Variants in COL4A5 observed in about 807,000 individuals in gnomAD.
COL4A5 encodes the protein collagen type IV alpha 5 chain, also known as collagen alpha-5(IV) chain.
In COL4A5, 26 loss-of-function variants were observed where a neutral mutation model predicts 130.2. That is an observed-to-expected ratio of 0.20 (90% CI 0.15 to 0.28). The LOEUF is 0.28. COL4A5 is among the 10% of genes least tolerant of loss of function. The pLI is 1.00. For missense variants in COL4A5, 1,131 were observed against 1,344.3 expected (o/e 0.84, Z 2.48); for synonymous variants, 496 against 439.6 (o/e 1.13, Z -1.60).
intron 19 of COL4A5, among the ~76,000 whole-genome samples, chrX:108,590,744 A>G (rs1267925087): frequency 8.9e-6 from 1 of 111,896 alleles, no homozygotes; most frequent in Non-Finnish European, 1.9e-5. Flanking sequence ...GGTAACTTTG[A>G]AATACCTTTT....
chrX:108,587,817 T>C (rs762058244), intron 19 of COL4A5, among the ~76,000 whole-genome samples: 3 of 111,199 alleles, frequency 2.7e-5, no homozygotes, highest in Non-Finnish European at 5.7e-5. Flanking sequence ...CCATATTAAC[T>C]GGGGTATATT....
intron 28 of COL4A5, 28 bp downstream of exon 28, chrX:108,603,089 T>C (rs772238569): frequency 1.0e-6 from 1 of 968,219 alleles, no homozygotes. Context: ...TTATTCCTTC[T>C]CATTTTCTTA....
rs1180151300 is a variant in COL4A5 at position 108,620,441 on chromosome X, G to A, written c.2677+15G>A. On this transcript the variant is annotated intron_variant, in intron 31 of 52. Coordinates refer to ENST00000328300, the MANE Select transcript of COL4A5 (RefSeq NM_033380.3). Reference sequence around the variant, plus strand: ...TGGATTTCCAGGTAATTTGTTTAAAGTTTTCTCTGATTTGGATTAAGGAAA... The same window carrying A: ...TGGATTTCCAGGTAATTTGTTTAAAATTTTCTCTGATTTGGATTAAGGAAA... 2 of 1,184,012 alleles carry A rather than the reference G, an allele frequency of 1.7e-6. No homozygotes were observed. The highest frequency in any genetic ancestry group is 2.2e-5 in the Admixed American group (1 of 45,711).
chrX:108,508,771 T>C (rs1267393182), intron 1 of COL4A5, among the ~76,000 whole-genome samples: 2 of 110,971 alleles, frequency 1.8e-5, no homozygotes, highest in Non-Finnish European at 3.8e-5. Flanking sequence ...TCTGCAACCA[T>C]CTGATTTTAG....
intron 22 of COL4A5, 27 bp from the exon 23 acceptor site, chrX:108,596,971 G>A: frequency 8.7e-7 from 1 of 1,150,612 alleles, no homozygotes; most frequent in South Asian, 1.9e-5. Flanking sequence ...GTGTGTGTGT[G>A]TGTTTGTTTG....
At chrX:108,531,386 A>AAATAAAAAATAAAAT (rs1179493461) in intron 1 of COL4A5, among the ~76,000 whole-genome samples, 2 of 79,755 alleles carry the variant, frequency 2.5e-5, no homozygotes, top group Non-Finnish European at 5.1e-5. Flanking sequence ...AATAAAAAAT[A>AAATAAAAAATAAAAT]AAATAAATAA....
chrX:108,654,526 G>A (rs1193197152), intron 36 of COL4A5, among the ~76,000 whole-genome samples: 1 of 112,631 alleles, frequency 8.9e-6, no homozygotes, highest in Non-Finnish European at 1.9e-5. Context: ...GCTCAATATA[G>A]CCTTGACCTC....
chrX:108,644,945 A>G (rs897992934), intron 36 of COL4A5, among the ~76,000 whole-genome samples: 32 of 109,709 alleles, frequency 2.9e-4, no homozygotes, highest in Non-Finnish European at 5.1e-4. Context: ...AAAGAAAGCA[A>G]AGAAAAGAAA....
At chrX:108,656,018 C>T (rs1262884984) in intron 37 of COL4A5, among the ~76,000 whole-genome samples, 1 of 112,159 alleles carries the variant, frequency 8.9e-6, no homozygotes, top group Non-Finnish European at 1.9e-5. Context: ...ATGAACCTTT[C>T]CTTTTTATTG....
At chrX:108,579,625 G>A (rs2066209406) in intron 13 of COL4A5, among the ~76,000 whole-genome samples, 1 of 111,681 alleles carries the variant, frequency 9.0e-6, no homozygotes, top group African/African-American at 3.3e-5. Flanking sequence ...GAGTAGATGA[G>A]GGAAATTAGA....
intron 36 of COL4A5, chrX:108,627,396 A>G (rs2067172564): frequency 1.4e-6 from 1 of 730,932 alleles, no homozygotes; most frequent in South Asian, 7.0e-5. Context: ...ATATATGCAT[A>G]TAGAGTTTGG....
rs774011308 is a variant in COL4A5 at position 108,496,147 on chromosome X, G to T, written c.82-43599G>T. ...TTTTTCCTCTCCAGTTTCTCAGGAT[G>T]TAGCTTTAGATTATTGAATTGAGAC... is the stretch of plus-strand genomic sequence containing the variant. On this transcript the variant is annotated intron_variant, in intron 1 of 52. Transcript: ENST00000328300. Among the ~76,000 whole-genome samples the T allele has an allele frequency of 5.5e-4, 62 of 112,329 alleles. 1 individual carries two copies. The highest frequency in any genetic ancestry group is 1.5e-3 in the African/African-American group (46 of 30,989).
At chrX:108,693,278 G>A (rs2068666143) in intron 50 of COL4A5, among the ~76,000 whole-genome samples, 1 of 111,329 alleles carries the variant, frequency 9.0e-6, no homozygotes, top group Non-Finnish European at 1.9e-5. Context: ...AGAAATGTGG[G>A]ATGGCCATAT....
intron 1 of COL4A5, among the ~76,000 whole-genome samples, chrX:108,444,435 G>A (rs2064433172): frequency 9.0e-6 from 1 of 111,089 alleles, no homozygotes; most frequent in African/African-American, 3.3e-5. Context: ...TAGCCAGGAT[G>A]GTCTCGAACT....
Position 108,680,733 on chromosome X carries a change from G to T in COL4A5, c.3997G>T (p.Gly1333Cys), listed in dbSNP as rs1290505719. The change falls in exon 45 of 53, where the codon GGT becomes TGT. Residue 1333 changes from glycine to cysteine, a missense_variant. By Grantham distance (159) the Gly-to-Cys change is radical. Transcript: ENST00000328300. The part of the protein sequence containing the change: ...NGMKGDPGLP[G>C]VPGFPGMKGP... ...AATGAAAGGAGATCCTGGTCTCCCT[G>T]GTGTTCCAGGATTCCCAGGTATTTG... 1 of 1,209,999 alleles carries T rather than the reference G, an allele frequency of 8.3e-7. No homozygotes were observed. Among genetic ancestry groups the T allele is most frequent in the East Asian group, 3.0e-5 (1 of 33,808 alleles).
Position 108,622,705 on chromosome X carries a change from C to T in COL4A5, c.2797C>T (p.Leu933Phe), listed in dbSNP as rs191497639. 28 of 1,209,584 alleles carry T rather than the reference C, an allele frequency of 2.3e-5. No individual in the cohort carries two copies. The East Asian group carries it at 8.0e-4, about 35-fold the overall frequency. Residue 933 changes from leucine to phenylalanine, a missense_variant, in exon 33 of 53, where the codon CTT becomes TTT. Physicochemically the swap from Leu to Phe is conservative, Grantham distance 22 (BLOSUM62 0). Coordinates refer to ENST00000328300, the MANE Select transcript of COL4A5 (RefSeq NM_033380.3). ...TGATGGCTTGCAGGGTCAGCCAGGA[C>T]TTCCTGGCCCTACAGGAGAAAAAGG... ...GDDGLQGQPG[L>F]PGPTGEKGSK...
chrX:108,671,190 A>G (rs2068199762), intron 42 of COL4A5, among the ~76,000 whole-genome samples: 1 of 111,972 alleles, frequency 8.9e-6, no homozygotes. Flanking sequence ...TGTTTACCTA[A>G]TTAGCAGTAA....
chrX:108,560,281 T>C (rs966002438), intron 3 of COL4A5, among the ~76,000 whole-genome samples: 1 of 112,090 alleles, frequency 8.9e-6, no homozygotes, highest in Non-Finnish European at 1.9e-5. Context: ...TTAAGTCTTA[T>C]GATGGATTGT....
At chrX:108,595,221 A>T (rs2066493829) in intron 21 of COL4A5, among the ~76,000 whole-genome samples, 1 of 111,522 alleles carries the variant, frequency 9.0e-6, no homozygotes, top group Non-Finnish European at 1.9e-5. Context: ...CATTTCCTTT[A>T]TTGATTATTA....
Sources: gnomAD v4.1 joint callset for allele counts (sites outside exome capture counted in the v4.1 genomes callset) on GRCh38, gnomAD v4.1.1 for gene constraint, MANE v1.5 for transcripts, NCBI Gene and HGNC (gene_info 2026-07-23, HGNC 2026-07-21) for gene names.